Variants in CNTN5 observed in about 807,000 individuals in gnomAD.
CNTN5 encodes the protein contactin-5.
CNTN5 carries 77 observed loss-of-function variants against 129.1 expected under a neutral mutation model. The observed-to-expected ratio is 0.60, with a 90% confidence interval of 0.50 to 0.72. The LOEUF (loss-of-function observed/expected upper bound fraction) is 0.72. Ranked by LOEUF, CNTN5 falls within the 30% of genes least tolerant of loss-of-function variation. CNTN5 has a pLI of 0.00. For synonymous variants in CNTN5, 509 were observed against 465.6 expected (o/e 1.09, Z -1.20); for missense variants, 1,478 against 1,328.8 (o/e 1.11, Z -1.75).
chr11:99,481,577 T>C (rs555274268), intron 2 of CNTN5, among the ~76,000 whole-genome samples: 49 of 152,306 alleles, frequency 3.2e-4, no homozygotes, highest in African/African-American at 1.2e-3. Context: ...GAGTAAAATA[T>C]TAAAACAACT....
At chr11:100,116,542 C>A (rs1447932375) in intron 13 of CNTN5, among the ~76,000 whole-genome samples, 1 of 151,118 alleles carries the variant, frequency 6.6e-6, no homozygotes, top group Non-Finnish European at 1.5e-5. Context: ...AACTTGGTTA[C>A]CTAAAAAGAG....
At chr11:99,932,594 T>A (rs1213445264) in intron 7 of CNTN5, among the ~76,000 whole-genome samples, 1 of 152,188 alleles carries the variant, frequency 6.6e-6, no homozygotes, top group Non-Finnish European at 1.5e-5. Flanking sequence ...TTGTCACTTA[T>A]CAGCAATGTG....
intron 16 of CNTN5, among the ~76,000 whole-genome samples, chr11:100,242,129 C>T (rs1336990441): frequency 6.6e-6 from 1 of 152,156 alleles, no homozygotes; most frequent in African/African-American, 2.4e-5. Flanking sequence ...ATCTTTCTGA[C>T]ATTATCACCT....
At chr11:100,206,922 C>T (rs143951223) in intron 15 of CNTN5, among the ~76,000 whole-genome samples, 1,778 of 151,854 alleles carry the variant, frequency 0.012, 39 homozygotes, top group African/African-American at 0.041. Context: ...AATTGTATAT[C>T]CTTATATATC....
At chr11:99,635,242 A>C (rs1230233002) in intron 3 of CNTN5, among the ~76,000 whole-genome samples, 1 of 152,226 alleles carries the variant, frequency 6.6e-6, no homozygotes, top group Non-Finnish European at 1.5e-5. Context: ...AATCAAAAGC[A>C]TGAAAATCAG....
intron 10 of CNTN5, among the ~76,000 whole-genome samples, chr11:100,063,706 T>TAAAAAAAAAAAAAAAAAAA (rs35896237): frequency 2.3e-4 from 27 of 115,266 alleles, no homozygotes; most frequent in East Asian, 1.0e-3. Flanking sequence ...AACCTGTCTC[T>TAAAAAAAAAAAAAAAAAAA]AAAAAAAAAA....
intron 3 of CNTN5, among the ~76,000 whole-genome samples, chr11:99,658,825 A>G (rs926638025): frequency 5.5e-5 from 8 of 145,134 alleles, no homozygotes; most frequent in African/African-American, 1.8e-4. Context: ...GAGGTGGAGG[A>G]TGCAGTGGGC....
intron 7 of CNTN5, among the ~76,000 whole-genome samples, chr11:99,942,945 A>G (rs942178446): frequency 1.4e-4 from 22 of 152,164 alleles, no homozygotes; most frequent in African/African-American, 5.1e-4. Context: ...TATCCAGTCT[A>G]TCATTGATAA....
chr11:99,329,914 G>GACACACACACACAC (rs58544462), intron 2 of CNTN5, among the ~76,000 whole-genome samples: 3 of 140,300 alleles, frequency 2.1e-5, no homozygotes, highest in Non-Finnish European at 4.6e-5. Context: ...TACAAGCAGT[G>GACACACACACACAC]ACACACACAC....
chr11:99,052,811 T>C lies in CNTN5; in HGVS notation c.-210+31541T>C, dbSNP rs77326374. Among the ~76,000 whole-genome samples the C allele has an allele frequency of 0.01, 1,556 of 151,994 alleles. 41 individuals are homozygous for C. In the East Asian group the frequency reaches 0.12, roughly 12 times the overall value. On this transcript the variant is annotated intron_variant, in intron 1 of 24. Coordinates refer to ENST00000524871, the MANE Select transcript of CNTN5 (RefSeq NM_014361.4). ...TTAGGGGGAATGTTCCTGAGTCATG[T>C]TGATTCTATGTGTTCTGTGAGCCTA...
At position 100,287,672 on chromosome 11, in the gene CNTN5, T is replaced by A. The variant is rs376625266; in HGVS notation, c.2315-9953T>A. On this transcript the variant is annotated intron_variant, in intron 18 of 24. Transcript: ENST00000524871. ...AAAATCATGCCAAAATGTAAAGACC[T>A]TCGAGACTAGGAAGAAACTGCATCA... Among the ~76,000 whole-genome samples the A allele has an allele frequency of 1.1e-3, 164 of 151,882 alleles. 7 individuals carry two copies. The East Asian group carries it at 0.013, about 12-fold the overall frequency.
chr11:100,114,104 G>A (rs185145474), intron 13 of CNTN5, among the ~76,000 whole-genome samples: 539 of 152,132 alleles, frequency 3.5e-3, no homozygotes, highest in Non-Finnish European at 5.8e-3. Flanking sequence ...CGAACTTTGG[G>A]CGTGCATCCA....
chr11:99,501,702 T>C (rs1019977873), intron 2 of CNTN5, among the ~76,000 whole-genome samples: 15 of 152,206 alleles, frequency 9.9e-5, no homozygotes, highest in African/African-American at 2.9e-4. Flanking sequence ...GCAAATATTA[T>C]TAGTGCTTTA....
intron 23 of CNTN5, among the ~76,000 whole-genome samples, chr11:100,345,279 C>T (rs959042534): frequency 1.3e-5 from 2 of 152,112 alleles, no homozygotes; most frequent in Non-Finnish European, 2.9e-5. Context: ...AACACCGTGT[C>T]CTCACTTGGC....
intron 1 of CNTN5, among the ~76,000 whole-genome samples, chr11:99,152,714 T>C (rs750192181): frequency 6.6e-6 from 1 of 152,250 alleles, no homozygotes; most frequent in Admixed American, 6.5e-5. Context: ...CATGCCAGAC[T>C]TCATTGTGTG....
chr11:100,206,132 C>T (rs1186199199), intron 15 of CNTN5, among the ~76,000 whole-genome samples: 3 of 152,088 alleles, frequency 2.0e-5, no homozygotes, highest in Non-Finnish European at 4.4e-5. Context: ...CAAAGGTACA[C>T]ATCATCCAAC....
intron 2 of CNTN5, among the ~76,000 whole-genome samples, chr11:99,382,834 T>C (rs1940655765): frequency 7.4e-6 from 1 of 135,700 alleles, no homozygotes; most frequent in Admixed American, 7.5e-5. Context: ...CTCACTAGTG[T>C]CTCTAAATAA....
At chr11:99,231,219 G>A (rs890899553) in intron 1 of CNTN5, among the ~76,000 whole-genome samples, 3 of 152,140 alleles carry the variant, frequency 2.0e-5, no homozygotes, top group African/African-American at 7.2e-5. Context: ...GGTCTTTGAG[G>A]AATTGTCACA....
chr11:99,551,906 T>G (rs1370879914), intron 2 of CNTN5, among the ~76,000 whole-genome samples: 1 of 151,760 alleles, frequency 6.6e-6, no homozygotes, highest in Non-Finnish European at 1.5e-5. Context: ...ACACTGAGTT[T>G]TTTCTTTTTT....
Sources: allele counts gnomAD v4.1 joint callset (sites outside exome capture counted in the v4.1 genomes callset), GRCh38; gene constraint gnomAD v4.1.1; transcripts MANE v1.5; gene names NCBI Gene and HGNC (gene_info 2026-07-23, HGNC 2026-07-21).